Variants in PAM observed in about 807,000 individuals in gnomAD.
The protein encoded by PAM is peptidylglycine alpha-amidating monooxygenase.
A neutral mutation model predicts 122.1 loss-of-function variants in PAM; 72 were observed. That is an observed-to-expected ratio of 0.59 (90% confidence interval 0.49 to 0.72). The LOEUF is 0.72. Among genes scored for constraint, PAM ranks in the 30% least tolerant of loss-of-function variants. The pLI is 0.00. For synonymous variants in PAM, 389 were observed against 404.4 expected, an observed-to-expected ratio of 0.96 and a Z score of 0.46; for missense variants, 1,106 against 1,183.7, an observed-to-expected ratio of 0.93 and a Z score of 0.96.
intron 1 of PAM, among the ~76,000 whole-genome samples, chr5:102,804,557 T>C (rs1287045595): frequency 6.6e-6 from 1 of 152,200 alleles, no homozygotes; most frequent in Non-Finnish European, 1.5e-5. Context: ...AATTAACATA[T>C]TGAAATCCAA....
At chr5:102,991,398 G>A (rs1582646672) in intron 16 of PAM, among the ~76,000 whole-genome samples, 2 of 152,096 alleles carry the variant, frequency 1.3e-5, no homozygotes, top group Admixed American at 6.6e-5. Flanking sequence ...AATTTACATA[G>A]GGAGATAAAT....
intron 1 of PAM, among the ~76,000 whole-genome samples, chr5:102,823,890 C>T (rs1466619360): frequency 6.6e-6 from 1 of 151,972 alleles, no homozygotes; most frequent in Non-Finnish European, 1.5e-5. Flanking sequence ...TCAAATAGAC[C>T]CTGACCATGA....
chr5:103,007,036 C>T (rs957637632), intron 19 of PAM, 25 bp downstream of exon 19: 1 of 1,511,226 alleles, frequency 6.6e-7, no homozygotes, highest in Non-Finnish European at 9.1e-7. Flanking sequence ...TCTTAATCTC[C>T]AGTTGTAATT....
At chr5:102,909,037 ATT>A (rs1235141268) in intron 4 of PAM, among the ~76,000 whole-genome samples, 1 of 151,718 alleles carries the variant, frequency 6.6e-6, no homozygotes, top group Non-Finnish European at 1.5e-5. Flanking sequence ...CATAATCATT[ATT>A]TTTTTGGAAA....
At chr5:103,010,129 C>T (rs545935906) in intron 21 of PAM, among the ~76,000 whole-genome samples, 1 of 152,208 alleles carries the variant, frequency 6.6e-6, no homozygotes, top group Non-Finnish European at 1.5e-5. Context: ...TAGAACTGCA[C>T]CTGCATATGA....
chr5:102,967,058 A>G (rs1371491113), intron 14 of PAM, among the ~76,000 whole-genome samples: 1 of 152,112 alleles, frequency 6.6e-6, no homozygotes, highest in Non-Finnish European at 1.5e-5. Context: ...CCATTTTTCA[A>G]TGTATATTTC....
intron 1 of PAM, among the ~76,000 whole-genome samples, chr5:102,763,324 C>T (rs1425165679): frequency 6.6e-6 from 1 of 152,156 alleles, no homozygotes; most frequent in African/African-American, 2.4e-5. Context: ...ACAGTGACCT[C>T]TAGCTCTTGG....
Position 103,006,532 on chromosome 5 carries a change from G to A in PAM, c.1804-269G>A, listed in dbSNP as rs545450070. On this transcript the variant is annotated intron_variant, in intron 18 of 25. Transcript: ENST00000438793. ...GAAACATCAGGGTGGACAGAACTGG[G>A]TATCCATGTACTAGTCTCCATTCAC... is the stretch of plus-strand genomic sequence containing the variant. 2.6e-5 allele frequency among the ~76,000 whole-genome samples: 4 copies of A among 152,252 alleles called. No homozygotes were observed. The South Asian group carries it at 6.2e-4, about 24-fold the overall frequency.
chr5:102,790,010 C>G (rs1022299724), intron 1 of PAM, among the ~76,000 whole-genome samples: 2 of 151,790 alleles, frequency 1.3e-5, no homozygotes, highest in Non-Finnish European at 2.9e-5. Context: ...GAATGATTTG[C>G]CCATATTTAA....
intron 5 of PAM, among the ~76,000 whole-genome samples, chr5:102,921,420 G>A (rs1230367690): frequency 2.0e-5 from 3 of 151,982 alleles, no homozygotes; most frequent in African/African-American, 7.2e-5. Flanking sequence ...AATGGGAAAT[G>A]GAAATATTTA....
chr5:103,021,129 G>C (rs1269677807), intron 23 of PAM, among the ~76,000 whole-genome samples: 2 of 152,084 alleles, frequency 1.3e-5, no homozygotes, highest in Non-Finnish European at 2.9e-5. Context: ...TGTAATAACT[G>C]CTATTATCCC....
intron 15 of PAM, among the ~76,000 whole-genome samples, chr5:102,989,193 G>A (rs966953091): frequency 5.3e-5 from 8 of 152,192 alleles, no homozygotes; most frequent in South Asian, 2.1e-4. Context: ...ATCCGTGAGC[G>A]TGTTTATAAA....
intron 1 of PAM, among the ~76,000 whole-genome samples, chr5:102,782,732 T>A (rs1014538414): frequency 3.4e-5 from 5 of 145,938 alleles, no homozygotes; most frequent in Admixed American, 6.7e-5. Flanking sequence ...TCTCTGTGTG[T>A]GTGTGTGTGT....
intron 3 of PAM, among the ~76,000 whole-genome samples, chr5:102,899,920 T>C (rs1484621985): frequency 6.6e-6 from 1 of 151,502 alleles, no homozygotes; most frequent in Non-Finnish European, 1.5e-5. Context: ...GCAAACTTAT[T>C]GTATCTTTAT....
intron 1 of PAM, among the ~76,000 whole-genome samples, chr5:102,783,379 G>C (rs1408300640): frequency 6.6e-6 from 1 of 152,108 alleles, no homozygotes; most frequent in Non-Finnish European, 1.5e-5. Flanking sequence ...GCTTAGATCT[G>C]TCTTCAATTT....
chr5:102,921,286 T>G (rs1047915663), intron 5 of PAM, among the ~76,000 whole-genome samples: 9 of 152,162 alleles, frequency 5.9e-5, no homozygotes, highest in African/African-American at 2.2e-4. Context: ...TCTTTACTAG[T>G]AAGAATAGTA....
At chr5:102,843,645 C>A (rs1238521089) in intron 1 of PAM, among the ~76,000 whole-genome samples, 1 of 152,090 alleles carries the variant, frequency 6.6e-6, no homozygotes, top group Non-Finnish European at 1.5e-5. Context: ...ATGCAACAAG[C>A]TCTCAGAATT....
At chr5:102,882,116 A>C (rs1308742625) in intron 3 of PAM, among the ~76,000 whole-genome samples, 1 of 90,906 alleles carries the variant, frequency 1.1e-5, no homozygotes, top group Admixed American at 1.4e-4. Context: ...TATATACACC[A>C]CATTTTCTTT....
chr5:102,898,542 A>G (rs1318863936), intron 3 of PAM, among the ~76,000 whole-genome samples: 1 of 151,686 alleles, frequency 6.6e-6, no homozygotes, highest in Non-Finnish European at 1.5e-5. Flanking sequence ...AGTTATGTAT[A>G]TATTTTCAAA....
Sources: allele counts gnomAD v4.1 joint callset (sites outside exome capture counted in the v4.1 genomes callset), GRCh38; gene constraint gnomAD v4.1.1; transcripts MANE v1.5; gene names NCBI Gene and HGNC (gene_info 2026-07-23, HGNC 2026-07-21).